The following CNKSR2 variants were observed in gnomAD, a reference collection of about 807,000 sequenced individuals.
CNKSR2 encodes CNK homolog protein 2.
CNKSR2 carries 14 observed loss-of-function variants against 84.4 expected under a neutral mutation model. The observed-to-expected ratio is 0.17, with a 90% CI of 0.11 to 0.26. CNKSR2 has a LOEUF of 0.26. CNKSR2 is among the 10% of genes least tolerant of loss of function. The pLI is 1.00. For synonymous variants in CNKSR2, 275 were observed against 277.9 expected, an observed-to-expected ratio of 0.99 and a Z score of 0.10; for missense variants, 485 against 771.2, an observed-to-expected ratio of 0.63 and a Z score of 4.40.
intron 20 of CNKSR2, among the ~76,000 whole-genome samples, chrX:21,609,848 A>T (rs2092540972): frequency 9.0e-6 from 1 of 111,117 alleles, no homozygotes; most frequent in African/African-American, 3.3e-5. Flanking sequence ...GGAGCAAATA[A>T]TTTTTTTCTC....
At chrX:21,435,382 T>A (rs147143793) in intron 3 of CNKSR2, among the ~76,000 whole-genome samples, 1,681 of 111,399 alleles carry the variant, frequency 0.015, 32 homozygotes, top group African/African-American at 0.052. Flanking sequence ...CGTAATAGTG[T>A]GCTAGGAAAA....
chrX:21,412,214 A>G (rs2090354759), intron 1 of CNKSR2, among the ~76,000 whole-genome samples: 1 of 111,835 alleles, frequency 8.9e-6, no homozygotes, highest in Admixed American at 9.4e-5. Flanking sequence ...GCCCTTTACA[A>G]TGGCAAGTCT....
chrX:21,541,745 A>G (rs780323375), intron 11 of CNKSR2, among the ~76,000 whole-genome samples: 4 of 111,613 alleles, frequency 3.6e-5, no homozygotes, highest in African/African-American at 1.3e-4. Context: ...CAACAACTCT[A>G]TGAGGTATGT....
chrX:21,430,361 T>G (rs1288711399), intron 2 of CNKSR2, among the ~76,000 whole-genome samples: 2 of 111,788 alleles, frequency 1.8e-5, no homozygotes, highest in African/African-American at 6.5e-5. Flanking sequence ...TTTTTACTTA[T>G]AAGAAGATTA....
intron 18 of CNKSR2, chrX:21,606,494 C>G (rs1368095756): frequency 1.4e-5 from 3 of 220,050 alleles, no homozygotes; most frequent in Non-Finnish European, 2.4e-5. Flanking sequence ...GTACCCTAAA[C>G]CTGACTGAGC....
Position 21,425,166 on chromosome X carries a change from G to A in CNKSR2, c.65-1331G>A, listed in dbSNP as rs1476175238. The A allele has an allele frequency of 2.7e-5, 3 of 111,304 alleles. No individual in the cohort carries two copies. In the East Asian group the frequency reaches 8.4e-4, roughly 31 times the overall value. The allele number at this position is 111,304 out of a possible 1,213,427, so 9.2% of individuals were successfully genotyped here. ...TCTTATTTTTCTCTTCTCTTACGTA[G>A]CCTGACTGCTTTGAAGACTCCTCAA... On this transcript the variant is annotated intron_variant, in intron 1 of 21. Coordinates refer to ENST00000379510, the MANE Select transcript of CNKSR2 (RefSeq NM_014927.5).
chrX:21,421,518 A>G (rs2090496282), intron 1 of CNKSR2, among the ~76,000 whole-genome samples: 1 of 109,952 alleles, frequency 9.1e-6, no homozygotes, highest in Non-Finnish European at 1.9e-5. Context: ...CTTATACATC[A>G]GTGGACACTT....
intron 1 of CNKSR2, among the ~76,000 whole-genome samples, chrX:21,404,027 C>T (rs1260900113): frequency 1.8e-5 from 2 of 111,951 alleles, no homozygotes; most frequent in Non-Finnish European, 3.8e-5. Flanking sequence ...AAACATGCAG[C>T]AATATGTAGC....
At chrX:21,419,852 A>G (rs765106761) in intron 1 of CNKSR2, among the ~76,000 whole-genome samples, 3 of 112,280 alleles carry the variant, frequency 2.7e-5, no homozygotes, top group Non-Finnish European at 5.6e-5. Flanking sequence ...CCTGAAGCCA[A>G]CACAGCACTA....
chrX:21,637,291 G>A (rs1359541794), intron 20 of CNKSR2: 1 of 111,158 alleles, frequency 9.0e-6, no homozygotes, highest in Non-Finnish European at 1.9e-5. Flanking sequence ...TTGTGATTTG[G>A]GAATTTAGAG....
intron 10 of CNKSR2, among the ~76,000 whole-genome samples, chrX:21,530,312 TTGTC>T (rs1215606882): frequency 1.8e-5 from 2 of 111,377 alleles, no homozygotes; most frequent in African/African-American, 6.5e-5. Flanking sequence ...AACTCACTGA[TTGTC>T]AGTCTGGAGA....
At chrX:21,495,306 C>A (rs991665461) in intron 6 of CNKSR2, 2 of 111,389 alleles carry the variant, frequency 1.8e-5, no homozygotes, top group Non-Finnish European at 3.8e-5. Context: ...ATGATAGTTT[C>A]CACTACATAG....
chrX:21,485,901 G>A (rs912539542), intron 5 of CNKSR2, among the ~76,000 whole-genome samples: 39 of 111,961 alleles, frequency 3.5e-4, no homozygotes, highest in African/African-American at 1.1e-3. Context: ...TTGGGAGGCC[G>A]AAGTAGGTGG....
At chrX:21,396,041 TTTTTTCC>T (rs1368985692) in intron 1 of CNKSR2, among the ~76,000 whole-genome samples, 1 of 111,557 alleles carries the variant, frequency 9.0e-6, no homozygotes, top group Non-Finnish European at 1.9e-5. Context: ...TTTTTCTTTC[TTTTTTCC>T]TTTTTCTATA....
At position 21,516,522 on chromosome X, in the gene CNKSR2, G is replaced by A. The variant is rs759477346; in HGVS notation, c.848G>A (p.Arg283Gln). The A allele has an allele frequency of 5.8e-6, 7 of 1,206,569 alleles. No individual in the cohort carries two copies. The Admixed American group carries it at 1.1e-4, about 19-fold the overall frequency. Residue 283 changes from arginine to glutamine, a missense_variant, in exon 9 of 22, where the codon CGA becomes CAA. Transcript: ENST00000379510. ...WQLKNLVNALREDPSGVILTL... is the reference protein window; with the variant it reads ...WQLKNLVNALQEDPSGVILTL... ...TTGAAAAATTTGGTGAATGCACTAC[G>A]AGAGGACCCGAGTGGTGTTATCTTA...
chrX:21,396,572 G>T (rs1326508536), intron 1 of CNKSR2, among the ~76,000 whole-genome samples: 1 of 111,088 alleles, frequency 9.0e-6, no homozygotes, highest in African/African-American at 3.3e-5. Flanking sequence ...TACAGTTCTT[G>T]TGTCCGTTAT....
At chrX:21,476,877 T>C (rs2091265652) in intron 5 of CNKSR2, among the ~76,000 whole-genome samples, 1 of 112,200 alleles carries the variant, frequency 8.9e-6, no homozygotes, top group South Asian at 3.7e-4. Flanking sequence ...GGATTACACA[T>C]TCTCTGGCAG....
intron 3 of CNKSR2, among the ~76,000 whole-genome samples, chrX:21,439,187 C>T (rs1414940072): frequency 9.0e-6 from 1 of 110,716 alleles, no homozygotes; most frequent in African/African-American, 3.3e-5. Context: ...TATCATAAAA[C>T]AAAATTCAAC....
At position 21,501,555 on chromosome X, in the gene CNKSR2, C is replaced by T; in HGVS notation, c.777C>T (p.Gly259=). The change falls in exon 8 of 22, where the codon GGC becomes GGT. Residue 259 remains glycine, a synonymous_variant. Transcript: ENST00000379510. ...PADRCKKIHA[G]DEVIQVNHQT... is the part of the protein sequence containing the mutation. ...ATCGGTGCAAGAAAATCCATGCTGG[C>T]GATGAAGTGATTCAAGTTAATCATC... 8.6e-7 allele frequency: 1 copy of T among 1,168,388 alleles called. No individual in the cohort carries two copies. The highest frequency in any genetic ancestry group is 1.2e-6 in the Non-Finnish European group (1 of 864,741).
Sources: gnomAD v4.1 joint callset for allele counts (sites outside exome capture counted in the v4.1 genomes callset) on GRCh38, gnomAD v4.1.1 for gene constraint, MANE v1.5 for transcripts, NCBI Gene and HGNC (gene_info 2026-07-23, HGNC 2026-07-21) for gene names.